ARHGAP39: variants seen among roughly 807,000 people sequenced by gnomAD.
ARHGAP39 encodes the protein Rho GTPase activating protein 39, also known as rho GTPase-activating protein 39.
In ARHGAP39, 44 loss-of-function variants were observed where a neutral mutation model predicts 106.9. The ratio of observed to expected loss-of-function variants is 0.41; its 90% CI spans 0.32 to 0.53. The LOEUF (loss-of-function observed/expected upper bound fraction) is 0.53, where lower values mean the gene tolerates loss of function less well. ARHGAP39 is among the 20% of genes least tolerant of loss of function. ARHGAP39 has a pLI of 0.21. For missense variants in ARHGAP39, 1,496 were observed against 1,577.3 expected, an observed-to-expected ratio of 0.95 and a Z score of 0.87; for synonymous variants, 768 against 693.2, an observed-to-expected ratio of 1.11 and a Z score of -1.69.
intron 2 of ARHGAP39, among the ~76,000 whole-genome samples, chr8:144,583,147 G>A (rs1232911716): frequency 1.3e-5 from 2 of 152,128 alleles, no homozygotes; most frequent in East Asian, 3.9e-4. Context: ...TAGCTGCCCA[G>A]CCCCTCCCTC....
At chr8:144,665,020 T>C (rs764205555) in intron 1 of ARHGAP39, among the ~76,000 whole-genome samples, 1 of 152,230 alleles carries the variant, frequency 6.6e-6, no homozygotes, top group Non-Finnish European at 1.5e-5. Flanking sequence ...AGAGACTTGT[T>C]GAACGGTTGA....
At chr8:144,576,645 T>A (rs1283852629) in intron 3 of ARHGAP39, among the ~76,000 whole-genome samples, 1 of 152,140 alleles carries the variant, frequency 6.6e-6, no homozygotes, top group Non-Finnish European at 1.5e-5. Flanking sequence ...GAATAACAAA[T>A]TCAAAATTAT....
chr8:144,689,741 A>AT (rs71320838), upstream of ARHGAP39, among the ~76,000 whole-genome samples: 7,705 of 119,868 alleles, frequency 0.064, 558 homozygotes, highest in East Asian at 0.36. Context: ...CACCTGACTA[A>AT]TTTTTTTTTT....
In ARHGAP39 at chr8:144,671,567, G is replaced by A. The variant is rs1029880957; in HGVS notation, c.-82+14119C>T. Among the ~76,000 whole-genome samples the A allele has an allele frequency of 9.2e-5, 14 of 152,178 alleles. No homozygotes were observed. The highest frequency in any genetic ancestry group is 2.6e-4 in the Admixed American group (4 of 15,282). On this transcript the variant is annotated intron_variant, in intron 1 of 11. Transcript: ENST00000377307. The surrounding 1 kb of genome is among the most constrained non-coding windows in gnomAD (Gnocchi z 4.5). The stretch of plus-strand genomic sequence containing the variant: ...CCAACACTCCAGTCACAGAGCTGCC[G>A]GCTCCGGCCACACATCCCTCCCGCC...
Position 144,559,741 on chromosome 8 carries a change from A to T in ARHGAP39, c.513-4098T>A, listed in dbSNP as rs1818075553. 1.3e-5 allele frequency among the ~76,000 whole-genome samples: 2 copies of T among 152,234 alleles called. 1 individual carries two copies. Among genetic ancestry groups the T allele is most frequent in the South Asian group, 4.1e-4 (2 of 4,834 alleles). ...AGGATTTTGGAATATCTACATATAC[A>T]TATACATAATGAGGTATCTTGGGAG... On this transcript the variant is annotated intron_variant, in intron 3 of 11. Transcript: ENST00000377307.
At position 144,553,446 on chromosome 8, in the gene ARHGAP39, G is replaced by C. The variant is rs538467732; in HGVS notation, c.596+2114C>G. Among the ~76,000 whole-genome samples, 15 of 152,296 alleles carry C rather than the reference G, an allele frequency of 9.8e-5. 1 individual carries two copies. The South Asian group carries it at 2.5e-3, about 25-fold the overall frequency. On this transcript the variant is annotated intron_variant, in intron 4 of 11. Coordinates refer to ENST00000377307, the MANE Select transcript of ARHGAP39 (RefSeq NM_025251.3). The stretch of plus-strand genomic sequence containing the variant: ...AGAGCACGCGCGTTTCAGCAAAAAG[G>C]ACTGAGAACGTCTCAGGACAGGGTC...
At chr8:144,572,495 T>G (rs1375156765) in intron 3 of ARHGAP39, among the ~76,000 whole-genome samples, 1 of 152,210 alleles carries the variant, frequency 6.6e-6, no homozygotes, top group Middle Eastern at 3.2e-3. Flanking sequence ...ATTAAAGACT[T>G]ACATATTAGA....
At chr8:144,619,410 C>CTGTG (rs1820725806) in intron 1 of ARHGAP39, among the ~76,000 whole-genome samples, 1 of 150,362 alleles carries the variant, frequency 6.7e-6, no homozygotes, top group African/African-American at 2.5e-5. Flanking sequence ...GCGTGTGCGC[C>CTGTG]CGTGTGCGTG....
chr8:144,622,498 C>A (rs1220750547), intron 1 of ARHGAP39, among the ~76,000 whole-genome samples: 1 of 151,966 alleles, frequency 6.6e-6, no homozygotes, highest in Non-Finnish European at 1.5e-5. Context: ...AGCGGCTGTG[C>A]CCGGAGCCGC....
At chr8:144,589,177 G>A (rs941432989) in intron 2 of ARHGAP39, among the ~76,000 whole-genome samples, 2 of 152,160 alleles carry the variant, frequency 1.3e-5, no homozygotes, top group Non-Finnish European at 2.9e-5. Context: ...GAGGCTCTGC[G>A]CTGCCTGTGC....
At chr8:144,537,955 G>A in intron 6 of ARHGAP39, 142 bp from the exon 7 acceptor site, 2 of 705,466 alleles carry the variant, frequency 2.8e-6, no homozygotes, top group Non-Finnish European at 4.8e-6. Flanking sequence ...AGCGTTTCTG[G>A]GGGGACGTGG....
At chr8:144,589,044 T>C (rs1819290570) in intron 2 of ARHGAP39, among the ~76,000 whole-genome samples, 1 of 152,068 alleles carries the variant, frequency 6.6e-6, no homozygotes, top group Non-Finnish European at 1.5e-5. Context: ...AACCCAAGCG[T>C]CTGCATAAGG....
chr8:144,548,586 CCT>C lies in ARHGAP39; in HGVS notation c.597-99_597-98del. Reference sequence around the variant, plus strand: ...GCTGTAGGCAGCGGCTCCCGCGAACCCTCTGTTGTACACCTTCCTCGCTGGGG... The same window carrying C: ...GCTGTAGGCAGCGGCTCCCGCGAACCCTGTTGTACACCTTCCTCGCTGGGG... On this transcript the variant is annotated intron_variant, in intron 4 of 11. Transcript: ENST00000377307. The surrounding 1 kb of genome is among the most constrained non-coding windows in gnomAD (Gnocchi z 7.4). 6.9e-7 allele frequency: 1 copy of C among 1,459,142 alleles called. No individual in the cohort carries two copies. The highest frequency in any genetic ancestry group is 9.1e-7 in the Non-Finnish European group (1 of 1,098,610). The allele number at this position is 1,459,142 out of a possible 1,614,324, so 90.4% of individuals were successfully genotyped here.
chr8:144,619,940 C>T (rs987163929), intron 1 of ARHGAP39, among the ~76,000 whole-genome samples: 4 of 133,976 alleles, frequency 3.0e-5, no homozygotes, highest in Non-Finnish European at 6.4e-5. Context: ...GCCTGTGTCC[C>T]TGAGAGCATG....
chr8:144,607,723 G>A (rs911675260), intron 1 of ARHGAP39, among the ~76,000 whole-genome samples: 4 of 152,208 alleles, frequency 2.6e-5, no homozygotes, highest in African/African-American at 9.6e-5. Context: ...GACAGATTGT[G>A]GGGCCACAAA....
chr8:144,656,633 C>G (rs1821705146), intron 1 of ARHGAP39, among the ~76,000 whole-genome samples: 1 of 151,592 alleles, frequency 6.6e-6, no homozygotes, highest in African/African-American at 2.4e-5. Flanking sequence ...ATGGCAAAAC[C>G]CTGTCTCTAC....
intron 6 of ARHGAP39, among the ~76,000 whole-genome samples, chr8:144,538,029 G>A (rs1317103262): frequency 1.3e-5 from 2 of 152,208 alleles, no homozygotes; most frequent in Non-Finnish European, 1.5e-5. Flanking sequence ...GGAAGCTGCC[G>A]TGCCTGTGCT....
chr8:144,579,105 G>A (rs966829617), intron 3 of ARHGAP39, among the ~76,000 whole-genome samples: 1 of 150,830 alleles, frequency 6.6e-6, no homozygotes, highest in Non-Finnish European at 1.5e-5. Context: ...GGGAGGCTGA[G>A]GCAGGAGAGT....
intron 1 of ARHGAP39, among the ~76,000 whole-genome samples, chr8:144,677,865 A>G (rs1822283517): frequency 6.6e-6 from 1 of 152,172 alleles, no homozygotes; most frequent in Admixed American, 6.5e-5. Flanking sequence ...CAAAAATGTT[A>G]AACAAAATTG....
Sources: allele counts gnomAD v4.1 joint callset (sites outside exome capture counted in the v4.1 genomes callset), GRCh38; gene constraint gnomAD v4.1.1; non-coding constraint Gnocchi (gnomAD v3.1); transcripts MANE v1.5; gene names NCBI Gene and HGNC (gene_info 2026-07-23, HGNC 2026-07-21).